Variants in TARBP1 observed in about 807,000 individuals in gnomAD.
The protein encoded by TARBP1 is tRNA guanosine 2 -O-methyltransferase TARBP1.
In TARBP1, 144 loss-of-function variants were observed where a neutral mutation model predicts 178.6. That is an observed-to-expected ratio of 0.81 (90% CI 0.70 to 0.93). The LOEUF (loss-of-function observed/expected upper bound fraction) is 0.93. Ranked by LOEUF, TARBP1 falls within the 40% of genes least tolerant of loss-of-function variation. TARBP1 has a pLI of 0.00. For missense variants in TARBP1, 2,067 were observed against 2,011.7 expected, an observed-to-expected ratio of 1.03 and a Z score of -0.53; for synonymous variants, 787 against 781.0, an observed-to-expected ratio of 1.01 and a Z score of -0.13.
chr1:234,429,981 G>C lies in TARBP1; in HGVS notation c.2609+106C>G, dbSNP rs997396300. 5 of 1,145,720 alleles carry C rather than the reference G, an allele frequency of 4.4e-6. No homozygotes were observed. In the Admixed American group the frequency reaches 8.9e-5, roughly 20 times the overall value. The allele number at this position is 1,145,720 out of a possible 1,614,324, so 71.0% of individuals were successfully genotyped here. On this transcript the variant is annotated intron_variant, in intron 15 of 29. Coordinates refer to ENST00000040877, the MANE Select transcript of TARBP1 (RefSeq NM_005646.4). ...TTATACCACACTTTCATCCTGAATG[G>C]AGCTTCAGCCCCAAAATTCTATAAC...
intron 24 of TARBP1, among the ~76,000 whole-genome samples, chr1:234,405,023 C>G (rs761375443): frequency 1.3e-5 from 2 of 152,068 alleles, no homozygotes; most frequent in Non-Finnish European, 2.9e-5. Flanking sequence ...TTATTTGTAC[C>G]ATGTACAAAT....
chr1:234,410,002 G>A (rs889824676), intron 23 of TARBP1, among the ~76,000 whole-genome samples: 2 of 152,166 alleles, frequency 1.3e-5, no homozygotes, highest in African/African-American at 4.8e-5. Flanking sequence ...CACTCCAAAT[G>A]ATGACAGTCA....
Position 234,478,930 on chromosome 1 carries a change from C to T in TARBP1, c.174G>A (p.Pro58=), listed in dbSNP as rs1669861982. The T allele has an allele frequency of 6.3e-6, 9 of 1,437,558 alleles. No homozygotes were observed. Among genetic ancestry groups the T allele is most frequent in the Non-Finnish European group, 8.1e-6 (9 of 1,104,458 alleles). The allele number at this position is 1,437,558 out of a possible 1,614,324, so 89.1% of individuals were successfully genotyped here. Residue 58 remains proline, a synonymous_variant, in exon 1 of 30, where the codon CCG becomes CCA. Coordinates refer to ENST00000040877, the MANE Select transcript of TARBP1 (RefSeq NM_005646.4). ...CTGCAGCCACCTCGCGCGCCGCCTC[C>T]GGGAGCGCGCCTGCGCCCCCGCTGC... ...ARGSGGAGAL[P]EAAREVAAGY... is the part of the protein sequence containing the mutation.
chr1:234,400,120 C>T (rs541847732), intron 25 of TARBP1: 1 of 151,350 alleles, frequency 6.6e-6, no homozygotes, highest in South Asian at 2.1e-4. Flanking sequence ...ATTTTATTTA[C>T]ACATACACCT....
At chr1:234,431,258 A>T (rs1664405520) in intron 14 of TARBP1, among the ~76,000 whole-genome samples, 2 of 152,214 alleles carry the variant, frequency 1.3e-5, no homozygotes, top group African/African-American at 4.8e-5. Context: ...AACACTGCCA[A>T]CATATGAAAT....
Position 234,398,607 on chromosome 1 carries a change from T to C in TARBP1, c.4072-54A>G. The stretch of plus-strand genomic sequence containing the variant: ...TCTTCCCTTAAGAATAACAAAGAAA[T>C]ATATAACATTTAAAATACAACTTAA... On this transcript the variant is annotated intron_variant, in intron 25 of 29. Transcript: ENST00000040877. The C allele has an allele frequency of 1.5e-6, 2 of 1,297,732 alleles. 1 individual carries two copies. The highest frequency in any genetic ancestry group is 2.1e-6 in the Non-Finnish European group (2 of 968,094). 80.4% of individuals were successfully genotyped at this position (1,297,732 alleles called of 1,614,324 possible).
chr1:234,407,341 C>CTTTTTTTTTTTTTTTTTTTTT (rs543930869), intron 23 of TARBP1: 1 of 137,052 alleles, frequency 7.3e-6, no homozygotes, highest in African/African-American at 2.7e-5. Flanking sequence ...CTTGTCCATC[C>CTTTTTTTTTTTTTTTTTTTTT]TTTTTTTTTT....
chr1:234,428,651 T>C (rs577749130), intron 17 of TARBP1, among the ~76,000 whole-genome samples: 1 of 152,086 alleles, frequency 6.6e-6, no homozygotes, highest in Non-Finnish European at 1.5e-5. Context: ...GTTCAAGCAA[T>C]TCTCCTGCCT....
chr1:234,410,289 T>C, intron 23 of TARBP1, 156 bp downstream of exon 23: 1 of 514,180 alleles, frequency 1.9e-6, no homozygotes, highest in Non-Finnish European at 3.6e-6. Context: ...ATTTACTGGG[T>C]ATTTGTGTCT....
Position 234,433,015 on chromosome 1 carries a change from G to A in TARBP1, c.2394+395C>T, listed in dbSNP as rs539842043. Among the ~76,000 whole-genome samples the A allele has an allele frequency of 2.2e-4, 34 of 152,250 alleles. No individual in the cohort carries two copies. In the East Asian group the frequency reaches 5.6e-3, roughly 25 times the overall value. ...AGCACTTTGGGAGGCCAAGGCAGGC[G>A]GATCACGAGGTCAGGAGTTCGAGAC... On this transcript the variant is annotated intron_variant, in intron 14 of 29. Transcript: ENST00000040877.
intron 5 of TARBP1, among the ~76,000 whole-genome samples, chr1:234,465,329 T>C (rs759719081): frequency 1.3e-5 from 2 of 152,130 alleles, no homozygotes; most frequent in Non-Finnish European, 2.9e-5. Context: ...GTTTAAAGTG[T>C]TGGTTAGTCA....
In TARBP1 at chr1:234,459,345, A is replaced by C; in HGVS notation, c.1536-19T>G. The C allele has an allele frequency of 6.3e-7, 1 of 1,577,062 alleles. No homozygotes were observed. Among genetic ancestry groups the C allele is most frequent in the South Asian group, 1.2e-5 (1 of 86,574 alleles). ...AACATCCCTGACATCGAAACACAAAAAATGCAGTTCCGTATTCCCAAAGAC... is the reference window on the plus strand; with the variant it reads ...AACATCCCTGACATCGAAACACAAACAATGCAGTTCCGTATTCCCAAAGAC... On this transcript the variant is annotated intron_variant, in intron 7 of 29. Transcript: ENST00000040877.
chr1:234,406,145 T>C (rs1467823082), intron 23 of TARBP1, 46 bp from the exon 24 acceptor site: 2 of 1,559,762 alleles, frequency 1.3e-6, no homozygotes, highest in Non-Finnish European at 1.8e-6. Flanking sequence ...ACATGGACCA[T>C]TTTACTCTCA....
intron 20 of TARBP1, among the ~76,000 whole-genome samples, chr1:234,423,158 C>T (rs1663304980): frequency 6.6e-6 from 1 of 152,192 alleles, no homozygotes; most frequent in Non-Finnish European, 1.5e-5. Context: ...GTCCGTTTTC[C>T]AAAGCAGCTG....
At position 234,430,192 on chromosome 1, in the gene TARBP1, G is replaced by A. The variant is rs1433182801; in HGVS notation, c.2504C>T (p.Ala835Val). 5 of 1,614,126 alleles carry A rather than the reference G, an allele frequency of 3.1e-6. No individual in the cohort carries two copies. Among genetic ancestry groups the A allele is most frequent in the African/African-American group, 1.3e-5 (1 of 74,948 alleles). ...KPELQLDSLH[A>V]GPLESFLSSL... Reference sequence around the variant, plus strand: ...GGAAAGGAAGCTTTCCAGGGGCCCAGCATGGAGAGAGTCCAGCTGCAGCTC... The same window carrying A: ...GGAAAGGAAGCTTTCCAGGGGCCCAACATGGAGAGAGTCCAGCTGCAGCTC... Residue 835 changes from alanine (A) to valine (V), a missense_variant, in exon 15 of 30, where the codon GCT becomes GTT. Physicochemically the swap from Ala to Val is moderately conservative, Grantham distance 64 (BLOSUM62 0). Coordinates refer to ENST00000040877, the MANE Select transcript of TARBP1 (RefSeq NM_005646.4).
intron 26 of TARBP1, among the ~76,000 whole-genome samples, chr1:234,395,821 T>G (rs1198735571): frequency 6.6e-6 from 1 of 152,144 alleles, no homozygotes; most frequent in Non-Finnish European, 1.5e-5. Context: ...GGTACAAAGT[T>G]AGTCAGTCAG....
intron 25 of TARBP1, among the ~76,000 whole-genome samples, chr1:234,399,615 G>A (rs1660476112): frequency 6.6e-6 from 1 of 152,202 alleles, no homozygotes; most frequent in South Asian, 2.1e-4. Flanking sequence ...ATTCACAATA[G>A]CAAAGACTTG....
At chr1:234,407,057 T>C (rs1661318995) in intron 23 of TARBP1, 1 of 152,248 alleles carries the variant, frequency 6.6e-6, no homozygotes, top group African/African-American at 2.4e-5. Context: ...CTTTCTCTCA[T>C]TCCTTTACTC....
At chr1:234,474,281 CACACACAA>C (rs1669376773) in intron 1 of TARBP1, among the ~76,000 whole-genome samples, 1 of 61,362 alleles carries the variant, frequency 1.6e-5, no homozygotes, top group South Asian at 3.7e-4. Flanking sequence ...CACACACACA[CACACACAA>C]AGGGGACATT....
Sources: gnomAD v4.1 joint callset for allele counts (sites outside exome capture counted in the v4.1 genomes callset) on GRCh38, gnomAD v4.1.1 for gene constraint, MANE v1.5 for transcripts, NCBI Gene and HGNC (gene_info 2026-07-23, HGNC 2026-07-21) for gene names.